The following BAZ1A variants were observed in gnomAD, a reference collection of about 807,000 sequenced individuals.
BAZ1A encodes the protein bromodomain adjacent to zinc finger domain protein 1A.
Under a neutral mutation model 185.2 loss-of-function variants are expected in BAZ1A, and 50 were observed. The ratio of observed to expected loss-of-function variants is 0.27; its 90% CI spans 0.22 to 0.34. BAZ1A has a LOEUF of 0.34. Ranked by LOEUF, BAZ1A falls within the 10% of genes least tolerant of loss-of-function variation. The pLI is 1.00. For missense variants in BAZ1A, 1,356 were observed against 1,839.9 expected (o/e 0.74, Z 4.81); for synonymous variants, 571 against 615.6 (o/e 0.93, Z 1.07).
At chr14:34,765,383 T>C in intron 21 of BAZ1A, 115 bp from the exon 22 acceptor site, 1 of 1,302,222 alleles carries the variant, frequency 7.7e-7, no homozygotes, top group Non-Finnish European at 1.0e-6. Flanking sequence ...TTTCTTCTGA[T>C]ACTTAACAAA....
chr14:34,841,730 T>G (rs1346452443), intron 3 of BAZ1A, among the ~76,000 whole-genome samples: 1 of 152,156 alleles, frequency 6.6e-6, no homozygotes, highest in Non-Finnish European at 1.5e-5. Context: ...CAGTCCTATA[T>G]CAGTTATTCA....
rs886638692 is a variant in BAZ1A, at chr14:34,752,731, T to C, written c.*777A>G. On this transcript the variant is annotated 3_prime_UTR_variant, in exon 27 of 27. Transcript: ENST00000360310. ...ATTGTAAAAATTAGAGAATTCCAGA[T>C]TATTTGAAAAAATGTTATTTTATTT... The C allele has an allele frequency of 6.6e-6, 1 of 152,174 alleles. No individual in the cohort carries two copies. Among genetic ancestry groups the C allele is most frequent in the Non-Finnish European group, 1.5e-5 (1 of 68,026 alleles). 9.4% of individuals were successfully genotyped at this position (152,174 alleles called of 1,614,324 possible). A position where few individuals can be genotyped will look rare whatever the true frequency, so the allele number is the denominator to read the frequency against.
At chr14:34,832,222 A>ACATATATG (rs1566586195) in intron 3 of BAZ1A, among the ~76,000 whole-genome samples, 1 of 142,466 alleles carries the variant, frequency 7.0e-6, no homozygotes, top group Non-Finnish European at 1.5e-5. Context: ...ACACATATAT[A>ACATATATG]TATATATATG....
chr14:34,782,151 T>C (rs145324583), intron 16 of BAZ1A, among the ~76,000 whole-genome samples: 1 of 152,342 alleles, frequency 6.6e-6, no homozygotes, highest in African/African-American at 2.4e-5. Context: ...TGCCAAACTG[T>C]TTTCCAAAGT....
intron 2 of BAZ1A, among the ~76,000 whole-genome samples, chr14:34,873,130 A>G (rs1308528672): frequency 7.9e-5 from 12 of 152,078 alleles, no homozygotes; most frequent in Non-Finnish European, 2.9e-5. Context: ...GCTGAAGAAA[A>G]AGGTTTACTT....
At chr14:34,765,959 A>G (rs1312332629) in intron 21 of BAZ1A, among the ~76,000 whole-genome samples, 1 of 152,218 alleles carries the variant, frequency 6.6e-6, no homozygotes, top group South Asian at 2.1e-4. Context: ...TGCAAGGTAT[A>G]TAAGACTCCA....
At position 34,869,225 on chromosome 14, in the gene BAZ1A, AATAAC is replaced by A. The variant is rs538958514; in HGVS notation, c.113+5262_113+5266del. Among the ~76,000 whole-genome samples, 580 of 152,140 alleles carry A rather than the reference AATAAC, an allele frequency of 3.8e-3. 2 individuals are homozygous for A. The highest frequency in any genetic ancestry group is 0.012 in the African/African-American group (518 of 41,506). On this transcript the variant is annotated intron_variant, in intron 2 of 26. Transcript: ENST00000360310. ...CCGTCTCAAAATAAATAAATAAATAAATAACATAACATAACATAAAATCAGATAAT... is the reference window on the plus strand; with the variant it reads ...CCGTCTCAAAATAAATAAATAAATAAATAACATAACATAAAATCAGATAAT...
chr14:34,835,670 G>GC (rs1555343486), intron 3 of BAZ1A, among the ~76,000 whole-genome samples: 2 of 142,014 alleles, frequency 1.4e-5, no homozygotes, highest in Admixed American at 7.1e-5. Flanking sequence ...CATGGAAATA[G>GC]TTTTTTTTTT....
chr14:34,839,687 C>CA (rs1299590435), intron 3 of BAZ1A, among the ~76,000 whole-genome samples: 2 of 150,576 alleles, frequency 1.3e-5, no homozygotes, highest in African/African-American at 4.9e-5. Flanking sequence ...ACTAAAAATA[C>CA]AAAAAATTAG....
chr14:34,844,437 C>G (rs1314030385), intron 3 of BAZ1A, among the ~76,000 whole-genome samples: 1 of 151,922 alleles, frequency 6.6e-6, no homozygotes, highest in African/African-American at 2.4e-5. Context: ...GTTAAAATGT[C>G]CATCCTACCC....
At chr14:34,775,051 C>T (rs1432854731) in intron 18 of BAZ1A, among the ~76,000 whole-genome samples, 1 of 152,010 alleles carries the variant, frequency 6.6e-6, no homozygotes, top group Non-Finnish European at 1.5e-5. Context: ...CCTATCTCTA[C>T]TAAAAATACA....
At chr14:34,802,212 G>A (rs1032613833) in intron 7 of BAZ1A, among the ~76,000 whole-genome samples, 6 of 151,978 alleles carry the variant, frequency 3.9e-5, no homozygotes, top group African/African-American at 1.4e-4. Flanking sequence ...TAATTAATTT[G>A]TGTAGTTTTT....
intron 3 of BAZ1A, among the ~76,000 whole-genome samples, chr14:34,847,699 C>T (rs1313766819): frequency 6.6e-6 from 1 of 152,162 alleles, no homozygotes. Flanking sequence ...TATTTAGCAG[C>T]TCTCTTTTGT....
intron 21 of BAZ1A, among the ~76,000 whole-genome samples, chr14:34,769,610 T>A (rs1879076784): frequency 6.6e-6 from 1 of 152,170 alleles, no homozygotes; most frequent in African/African-American, 2.4e-5. Flanking sequence ...TTAATTTGAT[T>A]TTCCCCCCTT....
intron 23 of BAZ1A, among the ~76,000 whole-genome samples, chr14:34,762,679 A>C (rs1157914176): frequency 6.6e-6 from 1 of 152,100 alleles, no homozygotes; most frequent in Non-Finnish European, 1.5e-5. Context: ...TATGTTGCCC[A>C]GGCTGGTCTC....
chr14:34,842,335 G>C (rs1383965558), intron 3 of BAZ1A, among the ~76,000 whole-genome samples: 1 of 152,148 alleles, frequency 6.6e-6, no homozygotes, highest in Non-Finnish European at 1.5e-5. Context: ...GTTGCCACTA[G>C]ACAGCATTCT....
Position 34,874,836 on chromosome 14 carries a change from C to G in BAZ1A, c.-58-174G>C. The G allele has an allele frequency of 2.3e-6, 1 of 432,866 alleles. No homozygotes were observed. The highest frequency in any genetic ancestry group is 4.1e-6 in the Non-Finnish European group (1 of 244,714). The allele number at this position is 432,866 out of a possible 1,614,324, so 26.8% of individuals were successfully genotyped here. On this transcript the variant is annotated intron_variant, in intron 1 of 26. Transcript: ENST00000360310. The surrounding 1 kb of genome is among the most constrained non-coding windows in gnomAD (Gnocchi z 4.7). The stretch of plus-strand genomic sequence containing the variant: ...TGCCCGGGTGTCGAGCGAGCGGAGC[C>G]GCCGCCGCCCCTGCCCCCCGAGCGC...
rs114518158 is a variant in BAZ1A at position 34,802,068 on chromosome 14, C to T, written c.861+786G>A. Reference sequence around the variant, plus strand: ...TAAAAATGCATTAGAAAAACAAACTCTCAGCTTACTTTATAAACTAGATGG... The same window carrying T: ...TAAAAATGCATTAGAAAAACAAACTTTCAGCTTACTTTATAAACTAGATGG... On this transcript the variant is annotated intron_variant, in intron 7 of 26. Coordinates refer to ENST00000360310, the MANE Select transcript of BAZ1A (RefSeq NM_013448.3). Among the ~76,000 whole-genome samples the T allele has an allele frequency of 6.2e-3, 936 of 152,138 alleles. 17 individuals carry two copies. Among genetic ancestry groups the T allele is most frequent in the African/African-American group, 0.022 (904 of 41,474 alleles).
intron 3 of BAZ1A, among the ~76,000 whole-genome samples, chr14:34,844,378 A>C (rs570878147): frequency 6.6e-6 from 1 of 152,304 alleles, no homozygotes; most frequent in South Asian, 2.1e-4. Flanking sequence ...GAAATTGAAG[A>C]CACAAATGGA....
Sources: gnomAD v4.1 joint callset for allele counts (sites outside exome capture counted in the v4.1 genomes callset) on GRCh38, gnomAD v4.1.1 for gene constraint, Gnocchi (gnomAD v3.1) non-coding constraint, MANE v1.5 for transcripts, NCBI Gene and HGNC (gene_info 2026-07-23, HGNC 2026-07-21) for gene names.